The following NWD2 variants were observed in gnomAD, a reference collection of about 807,000 sequenced individuals.
NWD2 encodes the protein NACHT and WD repeat domain-containing protein 2.
A neutral mutation model predicts 132.7 loss-of-function variants in NWD2; 37 were observed. That is an observed-to-expected ratio of 0.28 (90% CI 0.21 to 0.37). The LOEUF (loss-of-function observed/expected upper bound fraction) is 0.37, where lower values mean the gene tolerates loss of function less well. Ranked by LOEUF, NWD2 falls within the 10% of genes least tolerant of loss-of-function variation. NWD2 has a pLI of 1.00. For synonymous variants in NWD2, 705 were observed against 803.0 expected (o/e 0.88, Z 2.06); for missense variants, 1,592 against 2,122.4 (o/e 0.75, Z 4.91).
intron 3 of NWD2, among the ~76,000 whole-genome samples, chr4:37,428,991 C>T (rs893114062): frequency 7.9e-5 from 12 of 152,174 alleles, no homozygotes; most frequent in African/African-American, 2.9e-4. Flanking sequence ...CTTGGCCTCC[C>T]AAAGTGCTGG....
At chr4:37,391,876 ATG>A (rs921545852) in intron 3 of NWD2, among the ~76,000 whole-genome samples, 1 of 88,936 alleles carries the variant, frequency 1.1e-5, no homozygotes, top group Admixed American at 1.4e-4. Context: ...TATTCTGCAC[ATG>A]TCTTCATCAG....
chr4:37,260,638 G>C (rs1283676587), intron 1 of NWD2, among the ~76,000 whole-genome samples: 1 of 152,194 alleles, frequency 6.6e-6, no homozygotes, highest in Non-Finnish European at 1.5e-5. Context: ...AACAAAGTTT[G>C]TGAGGAATAG....
intron 1 of NWD2, among the ~76,000 whole-genome samples, chr4:37,308,910 C>T (rs1479814489): frequency 2.0e-5 from 3 of 152,188 alleles, no homozygotes; most frequent in Non-Finnish European, 4.4e-5. Context: ...CTAAATGTGC[C>T]AGTCCTTAGG....
chr4:37,334,072 C>A (rs2109291493), intron 2 of NWD2, among the ~76,000 whole-genome samples: 2 of 152,058 alleles, frequency 1.3e-5, no homozygotes, highest in South Asian at 4.1e-4. Context: ...AGAAAATAGC[C>A]TCAAAAGGGC....
At chr4:37,248,189 G>A (rs770121144) in intron 1 of NWD2, among the ~76,000 whole-genome samples, 3 of 152,022 alleles carry the variant, frequency 2.0e-5, no homozygotes, top group Admixed American at 6.5e-5. Flanking sequence ...CTCACACCAC[G>A]TGGGCAAGAC....
Position 37,447,198 on chromosome 4 carries a change from G to T in NWD2, c.5210G>T (p.Ser1737Ile), listed in dbSNP as rs1459907012. Reference sequence around the variant, plus strand: ...TCGGCCCTAGAAGCCAGGGGCCACAGCTATGCCCCTGATAACTGACAAAAT... The same window carrying T: ...TCGGCCCTAGAAGCCAGGGGCCACATCTATGCCCCTGATAACTGACAAAAT... ...VCSALEARGH[S>I]YAPDN is the part of the protein sequence containing the mutation. The change falls in exon 7 of 7, where the codon AGC becomes ATC. Residue 1737 changes from serine (S) to isoleucine (I), a missense_variant. Transcript: ENST00000309447. The T allele has an allele frequency of 8.4e-6, 13 of 1,549,872 alleles. No homozygotes were observed. Among genetic ancestry groups the T allele is most frequent in the Non-Finnish European group, 1.0e-5 (12 of 1,146,046 alleles).
intron 1 of NWD2, among the ~76,000 whole-genome samples, chr4:37,317,978 A>G (rs1332507292): frequency 6.7e-6 from 1 of 148,860 alleles, no homozygotes; most frequent in Non-Finnish European, 1.5e-5. Flanking sequence ...AGTACTAATT[A>G]CGTTCTGGGA....
intron 1 of NWD2, among the ~76,000 whole-genome samples, chr4:37,292,208 C>A (rs1656235): frequency 0.54 from 82,140 of 151,920 alleles, 23,399 homozygotes; most frequent in African/African-American, 0.7. Flanking sequence ...GAAACTGGGA[C>A]CAATGAGTTT....
In NWD2 at chr4:37,439,076, C is replaced by G. The variant is rs1411093122; in HGVS notation, c.982C>G (p.Leu328Val). Reference protein sequence around the residue: ...YTSVTHCDMKLGYSQEIENHY... With the variant: ...YTSVTHCDMKVGYSQEIENHY... ...ATCTGTTACTCATTGTGACATGAAACTAGGCTACTCCCAAGAAATAGAAAA... is the reference window on the plus strand; with the variant it reads ...ATCTGTTACTCATTGTGACATGAAAGTAGGCTACTCCCAAGAAATAGAAAA... The change falls in exon 6 of 7, where the codon CTA becomes GTA. Residue 328 changes from leucine to valine, a missense_variant. Coordinates refer to ENST00000309447, the MANE Select transcript of NWD2 (RefSeq NM_001144990.2). This position sits in a 1 kb window ranked among gnomAD's most constrained non-coding sequence, Gnocchi z 4.5. 1.3e-6 allele frequency: 2 copies of G among 1,551,762 alleles called. No individual in the cohort carries two copies. Among genetic ancestry groups the G allele is most frequent in the Non-Finnish European group, 1.7e-6 (2 of 1,147,014 alleles).
At chr4:37,391,663 G>T (rs1720681104) in intron 3 of NWD2, among the ~76,000 whole-genome samples, 1 of 152,120 alleles carries the variant, frequency 6.6e-6, no homozygotes, top group Admixed American at 6.5e-5. Context: ...CTTACTAGGA[G>T]TTTTTAGTGA....
intron 3 of NWD2, among the ~76,000 whole-genome samples, chr4:37,404,729 AC>A (rs1293970398): frequency 6.6e-6 from 1 of 152,214 alleles, no homozygotes; most frequent in Non-Finnish European, 1.5e-5. Context: ...AAGCATGGCG[AC>A]ATCCGCTCAG....
At chr4:37,393,772 C>T (rs2109312746) in intron 3 of NWD2, among the ~76,000 whole-genome samples, 1 of 152,298 alleles carries the variant, frequency 6.6e-6, no homozygotes, top group Middle Eastern at 3.4e-3. Flanking sequence ...TTCCTGTTAA[C>T]TTAACATCCC....
chr4:37,332,561 T>C (rs1233161119), intron 2 of NWD2, among the ~76,000 whole-genome samples: 1 of 151,894 alleles, frequency 6.6e-6, no homozygotes, highest in African/African-American at 2.4e-5. Flanking sequence ...GGACCAATCC[T>C]GGGCTCTGAA....
chr4:37,377,653 C>T (rs1720371639), intron 3 of NWD2, among the ~76,000 whole-genome samples: 1 of 152,144 alleles, frequency 6.6e-6, no homozygotes, highest in African/African-American at 2.4e-5. Flanking sequence ...ATCGCTTGAA[C>T]CCAGGAGGCG....
chr4:37,311,563 A>AT (rs1718842340), intron 1 of NWD2, among the ~76,000 whole-genome samples: 1 of 148,296 alleles, frequency 6.7e-6, no homozygotes, highest in Non-Finnish European at 1.5e-5. Flanking sequence ...GGTTGCAAAA[A>AT]TTTTCTCCCA....
intron 3 of NWD2, among the ~76,000 whole-genome samples, chr4:37,369,122 C>G (rs994702924): frequency 6.6e-6 from 1 of 152,182 alleles, no homozygotes; most frequent in South Asian, 2.1e-4. Context: ...TTCCATCACA[C>G]CATTATAGAT....
At chr4:37,265,145 GA>G (rs1717722774) in intron 1 of NWD2, among the ~76,000 whole-genome samples, 2 of 152,210 alleles carry the variant, frequency 1.3e-5, no homozygotes, top group South Asian at 4.2e-4. Context: ...AATACTTTGT[GA>G]TATTAATGAT....
chr4:37,418,631 C>A (rs530223518), intron 3 of NWD2, among the ~76,000 whole-genome samples: 3 of 142,568 alleles, frequency 2.1e-5, no homozygotes, highest in African/African-American at 7.5e-5. Flanking sequence ...ATCTTTCTCC[C>A]AAAAAAAAAA....
At chr4:37,256,729 CAAT>C (rs968857202) in intron 1 of NWD2, among the ~76,000 whole-genome samples, 1 of 152,064 alleles carries the variant, frequency 6.6e-6, no homozygotes, top group African/African-American at 2.4e-5. Flanking sequence ...ATTTCAGTAA[CAAT>C]AAGAATATGT....
Sources: allele counts gnomAD v4.1 joint callset (sites outside exome capture counted in the v4.1 genomes callset), GRCh38; gene constraint gnomAD v4.1.1; non-coding constraint Gnocchi (gnomAD v3.1); transcripts MANE v1.5; gene names NCBI Gene and HGNC (gene_info 2026-07-23, HGNC 2026-07-21).